Variants in MYO6 observed in about 807,000 individuals in gnomAD.
MYO6 encodes the protein myosin VI, also known as unconventional myosin-VI.
A neutral mutation model predicts 178.7 loss-of-function variants in MYO6; 74 were observed. That is an observed-to-expected ratio of 0.41 (90% CI 0.34 to 0.50). The LOEUF (loss-of-function observed/expected upper bound fraction) is 0.50. MYO6 is among the 20% of genes least tolerant of loss of function. The pLI is 0.09. For missense variants in MYO6, 1,330 were observed against 1,547.4 expected (o/e 0.86, Z 2.36); for synonymous variants, 477 against 504.6 (o/e 0.95, Z 0.73).
intron 9 of MYO6, among the ~76,000 whole-genome samples, chr6:75,841,840 G>A (rs774085202): frequency 7.2e-5 from 11 of 152,152 alleles, no homozygotes; most frequent in Admixed American, 3.3e-4. Context: ...ACTGTACTGA[G>A]AAGATCTCTA....
chr6:75,844,362 A>G, intron 9 of MYO6, among the ~76,000 whole-genome samples: 1 of 152,182 alleles, frequency 6.6e-6, no homozygotes, highest in East Asian at 1.9e-4. Context: ...GCATAAAGCA[A>G]GTAGTGTAAT....
chr6:75,847,758 A>G (rs1774871373), intron 10 of MYO6, among the ~76,000 whole-genome samples: 1 of 152,058 alleles, frequency 6.6e-6, no homozygotes, highest in Non-Finnish European at 1.5e-5. Context: ...TATTTACTAC[A>G]ACTTAATATT....
intron 30 of MYO6, among the ~76,000 whole-genome samples, chr6:75,899,592 A>C (rs1033601290): frequency 3.3e-5 from 5 of 152,162 alleles, no homozygotes; most frequent in African/African-American, 1.2e-4. Context: ...CCAAAAAGCT[A>C]CATGGAAAAT....
chr6:75,764,855 C>T (rs945960859), intron 1 of MYO6, among the ~76,000 whole-genome samples: 6 of 151,748 alleles, frequency 4.0e-5, no homozygotes, highest in Non-Finnish European at 5.9e-5. Flanking sequence ...AAAAATTAGC[C>T]GGGCGTGGTG....
chr6:75,753,280 T>C (rs1777050888), intron 1 of MYO6, among the ~76,000 whole-genome samples: 1 of 151,974 alleles, frequency 6.6e-6, no homozygotes, highest in Non-Finnish European at 1.5e-5. Context: ...GATATTCATA[T>C]TCAACTGTAA....
chr6:75,851,754 A>G (rs2150291044), intron 11 of MYO6, among the ~76,000 whole-genome samples: 1 of 152,176 alleles, frequency 6.6e-6, no homozygotes. Context: ...CTGAGGTGGA[A>G]TGATTGAGCC....
At chr6:75,809,687 A>G (rs146843706) in intron 1 of MYO6, among the ~76,000 whole-genome samples, 124 of 152,220 alleles carry the variant, frequency 8.1e-4, no homozygotes, top group African/African-American at 2.9e-3. Context: ...GGTGGATTCA[A>G]AGATTTTCTG....
At chr6:75,802,982 A>T (rs1034195735) in intron 1 of MYO6, among the ~76,000 whole-genome samples, 21 of 152,214 alleles carry the variant, frequency 1.4e-4, no homozygotes, top group Non-Finnish European at 2.6e-4. Flanking sequence ...AGTCTCTTAA[A>T]AATACAGGGC....
At chr6:75,908,694 A>T in intron 32 of MYO6, 67 bp downstream of exon 32, 1 of 1,525,228 alleles carries the variant, frequency 6.6e-7, no homozygotes, top group Admixed American at 1.7e-5. Flanking sequence ...ATCTGTACTT[A>T]AGACATGGGT....
intron 1 of MYO6, among the ~76,000 whole-genome samples, chr6:75,792,672 C>A (rs1392674964): frequency 6.6e-6 from 1 of 152,046 alleles, no homozygotes; most frequent in East Asian, 1.9e-4. Context: ...GAATGATCAG[C>A]AGTAATAATA....
At chr6:75,841,104 C>A in intron 8 of MYO6, 110 bp from the exon 9 acceptor site, 3 of 1,068,478 alleles carry the variant, frequency 2.8e-6, no homozygotes, top group Non-Finnish European at 2.8e-6. Flanking sequence ...AATATTATAA[C>A]CTCTTTGATA....
chr6:75,864,956 T>C (rs1583305784), intron 16 of MYO6, among the ~76,000 whole-genome samples: 1 of 152,158 alleles, frequency 6.6e-6, no homozygotes, highest in Admixed American at 6.5e-5. Context: ...AAATGGTAGG[T>C]TGGGAGTCAG....
intron 1 of MYO6, among the ~76,000 whole-genome samples, chr6:75,803,791 A>T (rs1475929657): frequency 6.6e-6 from 1 of 152,204 alleles, no homozygotes; most frequent in African/African-American, 2.4e-5. Flanking sequence ...TTCAGTACTT[A>T]TGTTCAATTA....
In MYO6 at chr6:75,817,627, A is replaced by G; in HGVS notation, c.80A>G (p.Asp27Gly). 1 of 1,614,204 alleles carries G rather than the reference A, an allele frequency of 6.2e-7. No individual in the cohort carries two copies. The highest frequency in any genetic ancestry group is 8.5e-7 in the Non-Finnish European group (1 of 1,180,014). ...GGCAATATTGTGGATATTGGCCCCG[A>G]CAGCTTAACAATTGAACCCTTGAAT... ...QMGNIVDIGP[D>G]SLTIEPLNQK... Residue 27 changes from aspartate (D) to glycine (G), a missense_variant, in exon 2 of 35, where the codon GAC becomes GGC. Coordinates refer to ENST00000369977, the MANE Select transcript of MYO6 (RefSeq NM_004999.4).
chr6:75,783,064 G>A (rs147139382), intron 1 of MYO6, among the ~76,000 whole-genome samples: 19 of 151,964 alleles, frequency 1.3e-4, no homozygotes, highest in African/African-American at 1.7e-4. Flanking sequence ...ACAGGCATGC[G>A]CCACCATGCC....
At chr6:75,831,889 C>CA (rs199741161) in intron 5 of MYO6, among the ~76,000 whole-genome samples, 5,758 of 95,006 alleles carry the variant, frequency 0.061, 177 homozygotes, top group East Asian at 0.21. Context: ...TACCCTGTCT[C>CA]AAAAAAAAAA....
intron 1 of MYO6, among the ~76,000 whole-genome samples, chr6:75,786,782 A>G (rs924447709): frequency 6.6e-6 from 1 of 152,280 alleles, no homozygotes; most frequent in East Asian, 1.9e-4. Context: ...GTCTTGCACA[A>G]CTTTTTTTCT....
At position 75,892,577 on chromosome 6, in the gene MYO6, A is replaced by G. The variant is rs1562294157; in HGVS notation, c.2994A>G (p.Gln998=). ...CCCGACAGAAGGAGGAGGAATCCCA[A>G]CAGCAAGCAGTTCTGGAGCAGGAGC... The part of the protein sequence containing the change: ...QLARQKEEES[Q]QQAVLEQERR... The change falls in exon 28 of 35, where the codon CAA becomes CAG. Residue 998 remains glutamine, a synonymous_variant. Coordinates refer to ENST00000369977, the MANE Select transcript of MYO6 (RefSeq NM_004999.4). 6 of 1,613,886 alleles carry G rather than the reference A, an allele frequency of 3.7e-6. No individual in the cohort carries two copies. The highest frequency in any genetic ancestry group is 2.2e-5 in the East Asian group (1 of 44,880).
chr6:75,825,195 C>A (rs1772331869), intron 3 of MYO6, among the ~76,000 whole-genome samples: 1 of 152,164 alleles, frequency 6.6e-6, no homozygotes, highest in African/African-American at 2.4e-5. Flanking sequence ...AAAATAATAG[C>A]ATTTTTCCAT....
Sources: allele counts gnomAD v4.1 joint callset (sites outside exome capture counted in the v4.1 genomes callset), GRCh38; gene constraint gnomAD v4.1.1; transcripts MANE v1.5; gene names NCBI Gene and HGNC (gene_info 2026-07-23, HGNC 2026-07-21).